The following GRHL3 variants were observed in gnomAD, a reference collection of about 807,000 sequenced individuals.
GRHL3 encodes the protein grainyhead like transcription factor 3, also known as grainyhead-like protein 3 homolog.
In GRHL3, 20 loss-of-function variants were observed where a neutral mutation model predicts 70.3. That is an observed-to-expected ratio of 0.28 (90% confidence interval 0.20 to 0.41). The LOEUF is 0.41. Ranked by LOEUF, GRHL3 falls within the 10% of genes least tolerant of loss-of-function variation. GRHL3 has a pLI of 1.00. For synonymous variants in GRHL3, 299 were observed against 299.9 expected (o/e 1.00, Z 0.03); for missense variants, 637 against 762.3 (o/e 0.84, Z 1.94).
chr1:24,337,936 T>C (rs1569885363), intron 6 of GRHL3, 56 bp from the exon 7 acceptor site: 1 of 1,545,096 alleles, frequency 6.5e-7, no homozygotes, highest in African/African-American at 1.4e-5. Context: ...GGGCAGGCCA[T>C]TGGAACCAGG....
intron 15 of GRHL3, among the ~76,000 whole-genome samples, chr1:24,353,481 G>C (rs1199990838): frequency 6.6e-6 from 1 of 150,454 alleles, no homozygotes; most frequent in Non-Finnish European, 1.5e-5. Context: ...GTGTGTAGTA[G>C]AGGGTAGATG....
At position 24,337,754 on chromosome 1, in the gene GRHL3, G is replaced by A. The variant is rs1467098111; in HGVS notation, c.805G>A (p.Gly269Ser). The A allele has an allele frequency of 6.2e-7, 1 of 1,614,142 alleles. No individual in the cohort carries two copies. Among genetic ancestry groups the A allele is most frequent in the African/African-American group, 1.3e-5 (1 of 74,944 alleles). ...YPVTLRTPAGGKGLALSSNKV... is the reference protein window; with the variant it reads ...YPVTLRTPAGSKGLALSSNKV... ...CGTCACCCTGCGGACCCCAGCAGGTGGCAAAGGCCTTGCCTTGTCCTCCAA... is the reference window on the plus strand; with the variant it reads ...CGTCACCCTGCGGACCCCAGCAGGTAGCAAAGGCCTTGCCTTGTCCTCCAA... The change falls in exon 6 of 16, where the codon GGC becomes AGC. Residue 269 changes from glycine to serine, a missense_variant. This residue lies in a region of GRHL3 where 387 missense variants were observed against 513.8 expected (regional missense o/e 0.75). Coordinates refer to ENST00000361548, the MANE Select transcript of GRHL3 (RefSeq NM_198173.3).
chr1:24,331,711 T>G (rs1030212644), intron 2 of GRHL3, 99 bp downstream of exon 2: 20 of 1,014,234 alleles, frequency 2.0e-5, no homozygotes, highest in Non-Finnish European at 1.3e-5. Flanking sequence ...CCCCAGCCCC[T>G]CATCTCTGGG....
chr1:24,325,561 C>T lies in GRHL3; in HGVS notation c.18-5865C>T, dbSNP rs1188684376. On this transcript the variant is annotated intron_variant, in intron 1 of 15. Transcript: ENST00000361548. ...AGCCAGAAAGCAGTGGGCATTTTGACTCAGAAGAGACTTGTTGGGATGAAA... is the reference window on the plus strand; with the variant it reads ...AGCCAGAAAGCAGTGGGCATTTTGATTCAGAAGAGACTTGTTGGGATGAAA... Among the ~76,000 whole-genome samples the T allele has an allele frequency of 5.3e-5, 8 of 152,194 alleles. No homozygotes were observed. In the East Asian group the frequency reaches 7.7e-4, roughly 15 times the overall value.
intron 3 of GRHL3, 64 bp from the exon 4 acceptor site, chr1:24,336,418 C>A: frequency 1.8e-6 from 2 of 1,108,218 alleles, no homozygotes; most frequent in South Asian, 1.5e-5. Context: ...GCCTTGCACT[C>A]TAGCCAAAGA....
At chr1:24,340,947 G>T (rs972087228) in intron 8 of GRHL3, among the ~76,000 whole-genome samples, 1 of 152,132 alleles carries the variant, frequency 6.6e-6, no homozygotes, top group South Asian at 2.1e-4. Context: ...GAGCTGGGCG[G>T]GGGCTGCATG....
chr1:24,354,564 TC>T lies in GRHL3; in HGVS notation c.*78del. The T allele has an allele frequency of 1.1e-6, 1 of 879,756 alleles. No homozygotes were observed. The highest frequency in any genetic ancestry group is 1.9e-6 in the Non-Finnish European group (1 of 525,622). 54.5% of individuals were successfully genotyped at this position (879,756 alleles called of 1,614,324 possible). ...GTGGCCCCACGCCACACACAACCTC[TC>T]CACATGCCTCAGCGCTGTTACTTGA... On this transcript the variant is annotated 3_prime_UTR_variant, in exon 16 of 16. Coordinates refer to ENST00000361548, the MANE Select transcript of GRHL3 (RefSeq NM_198173.3).
In GRHL3 at chr1:24,334,347, C is replaced by T. The variant is rs1281059962; in HGVS notation, c.205-298C>T. Among the ~76,000 whole-genome samples the T allele has an allele frequency of 6.6e-6, 1 of 152,020 alleles. No homozygotes were observed. The highest frequency in any genetic ancestry group is 1.5e-5 in the Non-Finnish European group (1 of 68,008). ...AGCAAACACATCCTTCTTCACATGG[C>T]GGCAGCAAGGAAAAGTCCCGAGCGA... is the stretch of plus-strand genomic sequence containing the variant. On this transcript the variant is annotated intron_variant, in intron 2 of 15. Transcript: ENST00000361548. The surrounding 1 kb of genome is among the most constrained non-coding windows in gnomAD (Gnocchi z 4.3).
intron 5 of GRHL3, 51 bp downstream of exon 5, chr1:24,337,202 T>C (rs1231823402): frequency 1.7e-5 from 23 of 1,345,832 alleles, no homozygotes; most frequent in East Asian, 2.3e-5. Flanking sequence ...GGCAGGAGGC[T>C]GCAGACAGAG....
chr1:24,320,896 A>C (rs187224827), intron 1 of GRHL3, among the ~76,000 whole-genome samples: 146 of 152,310 alleles, frequency 9.6e-4, no homozygotes, highest in African/African-American at 3.4e-3. Context: ...CTCATCTGTA[A>C]ATAGTGGCCA....
chr1:24,329,732 A>G (rs1040540511), intron 1 of GRHL3, among the ~76,000 whole-genome samples: 4 of 152,218 alleles, frequency 2.6e-5, no homozygotes, highest in African/African-American at 9.7e-5. Context: ...GGTCCCTAAC[A>G]TGGGAGATTC....
chr1:24,358,687 T>C (rs1235815193), downstream of GRHL3: 8 of 1,294,840 alleles, frequency 6.2e-6, no homozygotes, highest in South Asian at 1.3e-5. Context: ...TCTGGCATTC[T>C]ACCTCAGAGC....
chr1:24,361,059 CG>C, intron 15 of GRHL3: 1 of 1,593,422 alleles, frequency 6.3e-7, no homozygotes, highest in South Asian at 1.1e-5. Context: ...AAAGATAAAA[CG>C]GGAAGATGTC....
At chr1:24,361,286 C>T (rs749404176) in intron 15 of GRHL3, among the ~76,000 whole-genome samples, 6 of 152,134 alleles carry the variant, frequency 3.9e-5, no homozygotes, top group East Asian at 1.9e-4. Context: ...AATGAGATGA[C>T]GTACCTAAAA....
intron 11 of GRHL3, chr1:24,343,341 T>C: frequency 3.1e-6 from 1 of 324,326 alleles, no homozygotes; most frequent in East Asian, 6.1e-5. Flanking sequence ...CGGCAGCACT[T>C]GTGGTGCTCA....
At position 24,328,654 on chromosome 1, in the gene GRHL3, T is replaced by C. The variant is rs953449221; in HGVS notation, c.18-2772T>C. Among the ~76,000 whole-genome samples the C allele has an allele frequency of 2.6e-5, 4 of 152,198 alleles. No homozygotes were observed. The East Asian group carries it at 7.7e-4, about 29-fold the overall frequency. ...CAGATTGGGGCTCCAGGCCCAGACCTGCCACTGACTTGCAGAGTAACCATG... is the reference window on the plus strand; with the variant it reads ...CAGATTGGGGCTCCAGGCCCAGACCCGCCACTGACTTGCAGAGTAACCATG... On this transcript the variant is annotated intron_variant, in intron 1 of 15. Transcript: ENST00000361548.
Position 24,322,954 on chromosome 1 carries a change from G to C in GRHL3, c.17+3386G>C. 1.3e-6 allele frequency: 1 copy of C among 764,566 alleles called. No homozygotes were observed. The highest frequency in any genetic ancestry group is 1.7e-5 in the South Asian group (1 of 58,698). The allele number at this position is 764,566 out of a possible 1,614,324, so 47.4% of individuals were successfully genotyped here. On this transcript the variant is annotated intron_variant, in intron 1 of 15. Coordinates refer to ENST00000361548, the MANE Select transcript of GRHL3 (RefSeq NM_198173.3). The surrounding 1 kb of genome is among the most constrained non-coding windows in gnomAD (Gnocchi z 4.4). ...GTTCAGGCTTGCCCAAGGTCTCACGGAAGCACTGGGATCTTAACCGGGTCT... is the reference window on the plus strand; with the variant it reads ...GTTCAGGCTTGCCCAAGGTCTCACGCAAGCACTGGGATCTTAACCGGGTCT...
intron 5 of GRHL3, 98 bp from the exon 6 acceptor site, chr1:24,337,538 A>G: frequency 7.8e-7 from 1 of 1,274,726 alleles, no homozygotes; most frequent in Admixed American, 2.1e-5. Flanking sequence ...GTCAAACAGC[A>G]AGTCTGTAAC....
chr1:24,347,385 G>A, intron 13 of GRHL3, 83 bp from the exon 14 acceptor site: 1 of 1,233,014 alleles, frequency 8.1e-7, no homozygotes, highest in Non-Finnish European at 1.2e-6. Context: ...CAATCTTCAA[G>A]TAACGTTTTC....
Sources: allele counts gnomAD v4.1 joint callset (sites outside exome capture counted in the v4.1 genomes callset), GRCh38; gene constraint gnomAD v4.1.1; regional missense constraint gnomAD v4.1.1; non-coding constraint Gnocchi (gnomAD v3.1); transcripts MANE v1.5; gene names NCBI Gene and HGNC (gene_info 2026-07-23, HGNC 2026-07-21).